The following SHISA9 variants were observed in gnomAD, a reference collection of about 807,000 sequenced individuals.
SHISA9 encodes protein shisa-9.
SHISA9 carries 13 observed loss-of-function variants against 38.0 expected under a neutral mutation model. The ratio of observed to expected loss-of-function variants is 0.34; its 90% confidence interval spans 0.22 to 0.54. SHISA9 has a LOEUF of 0.54. Ranked by LOEUF, SHISA9 falls within the 20% of genes least tolerant of loss-of-function variation. The pLI, the probability that SHISA9 is intolerant of heterozygous loss-of-function variation, is 0.91. For missense variants in SHISA9, 538 were observed against 575.8 expected (o/e 0.93, Z 0.67); for synonymous variants, 275 against 242.0 (o/e 1.14, Z -1.27).
the SHISA9 span, among the ~76,000 whole-genome samples, chr16:13,433,004 C>G: frequency 1.3e-5 from 2 of 151,648 alleles, no homozygotes; most frequent in Non-Finnish European, 2.9e-5. Flanking sequence ...ATCTGTACAG[C>G]AAACCCCCAT....
the SHISA9 span, among the ~76,000 whole-genome samples, chr16:13,478,580 G>A: frequency 3.3e-5 from 5 of 152,134 alleles, no homozygotes; most frequent in African/African-American, 4.8e-5. Flanking sequence ...ATCCTGGAAG[G>A]TCTGTTCCAC....
intron 3 of SHISA9, among the ~76,000 whole-genome samples, chr16:13,209,563 G>T (rs1408443736): frequency 6.6e-6 from 1 of 152,186 alleles, no homozygotes; most frequent in Non-Finnish European, 1.5e-5. Flanking sequence ...CAATCCATCA[G>T]GGAACTATTC....
chr16:13,213,774 G>C (rs1175407957), intron 4 of SHISA9, among the ~76,000 whole-genome samples: 5 of 152,200 alleles, frequency 3.3e-5, no homozygotes, highest in Admixed American at 3.3e-4. Flanking sequence ...GGGACAGCGT[G>C]GTGAGCAGAG....
chr16:13,262,662 A>G, the SHISA9 span, among the ~76,000 whole-genome samples: 1,272 of 51,790 alleles, frequency 0.025, 84 homozygotes, highest in African/African-American at 0.09. Flanking sequence ...GGAAGGAAGG[A>G]AGGAAGGAAG....
chr16:13,421,850 C>A, the SHISA9 span, among the ~76,000 whole-genome samples: 1 of 152,118 alleles, frequency 6.6e-6, no homozygotes, highest in Non-Finnish European at 1.5e-5. Context: ...CAAACGAATC[C>A]CAGGTTGGGG....
At chr16:13,019,769 TTTC>T (rs1302783678) in intron 2 of SHISA9, among the ~76,000 whole-genome samples, 64 of 30,038 alleles carry the variant, frequency 2.1e-3, no homozygotes, top group African/African-American at 7.5e-3. Context: ...CTTTCTTTTC[TTTC>T]TTTCTTTCTT....
chr16:13,491,529 C>G, the SHISA9 span, among the ~76,000 whole-genome samples: 1 of 152,018 alleles, frequency 6.6e-6, no homozygotes, highest in Non-Finnish European at 1.5e-5. Context: ...CACTCTGTCA[C>G]CAAGGCTGGA....
chr16:13,283,959 C>A, the SHISA9 span, among the ~76,000 whole-genome samples: 2 of 152,220 alleles, frequency 1.3e-5, no homozygotes, highest in South Asian at 4.2e-4. Context: ...GACAAGCTAG[C>A]CCTCAGCCAT....
chr16:13,138,440 C>T (rs1167705583), intron 2 of SHISA9, among the ~76,000 whole-genome samples: 2 of 152,162 alleles, frequency 1.3e-5, no homozygotes, highest in African/African-American at 4.8e-5. Context: ...AGACCTTAAG[C>T]TTTTGATAAC....
chr16:12,927,708 T>TG (rs2071409674), intron 2 of SHISA9, among the ~76,000 whole-genome samples: 1 of 152,038 alleles, frequency 6.6e-6, no homozygotes, highest in Non-Finnish European at 1.5e-5. Flanking sequence ...CATGACTGCC[T>TG]GTTTTTTACT....
the SHISA9 span, among the ~76,000 whole-genome samples, chr16:13,361,442 T>C: frequency 6.6e-6 from 1 of 152,248 alleles, no homozygotes; most frequent in South Asian, 2.1e-4. Flanking sequence ...TTAACCTTCA[T>C]TGGGTATCTG....
the SHISA9 span, among the ~76,000 whole-genome samples, chr16:13,263,178 C>T: frequency 2.0e-5 from 3 of 152,168 alleles, no homozygotes; most frequent in Non-Finnish European, 1.5e-5. Context: ...TCTCTGTTTC[C>T]CCTGGGGTGG....
intron 2 of SHISA9, among the ~76,000 whole-genome samples, chr16:13,202,283 G>T (rs1007816661): frequency 7.7e-6 from 1 of 130,270 alleles, no homozygotes; most frequent in African/African-American, 3.1e-5. Context: ...CCAGCTCCAC[G>T]GCTTTTGCTC....
chr16:12,959,544 C>T (rs545818728), intron 2 of SHISA9, among the ~76,000 whole-genome samples: 1 of 152,280 alleles, frequency 6.6e-6, no homozygotes, highest in African/African-American at 2.4e-5. Context: ...AGAGCTCAGA[C>T]TCGAGAAAAA....
chr16:13,039,373 G>C (rs1286225922), intron 2 of SHISA9, among the ~76,000 whole-genome samples: 1 of 151,930 alleles, frequency 6.6e-6, no homozygotes, highest in African/African-American at 2.4e-5. Flanking sequence ...TAAGTGACTT[G>C]TACAAGGTAA....
chr16:13,104,904 C>A (rs2073911904), intron 2 of SHISA9, among the ~76,000 whole-genome samples: 1 of 152,090 alleles, frequency 6.6e-6, no homozygotes, highest in Non-Finnish European at 1.5e-5. Flanking sequence ...TTCTGACAGA[C>A]CTTAATTGCT....
At chr16:13,074,442 T>G (rs1246901194) in intron 2 of SHISA9, among the ~76,000 whole-genome samples, 1 of 152,092 alleles carries the variant, frequency 6.6e-6, no homozygotes, top group African/African-American at 2.4e-5. Context: ...GGATGAACAT[T>G]TTTTTAATAG....
At chr16:13,020,492 A>T (rs1157542416) in intron 2 of SHISA9, among the ~76,000 whole-genome samples, 2 of 152,178 alleles carry the variant, frequency 1.3e-5, no homozygotes, top group African/African-American at 4.8e-5. Flanking sequence ...TAGTTTGCTA[A>T]AGATAATGGC....
At chr16:13,198,583 T>G (rs529562426) in intron 2 of SHISA9, among the ~76,000 whole-genome samples, 12 of 152,220 alleles carry the variant, frequency 7.9e-5, no homozygotes, top group Non-Finnish European at 1.8e-4. Flanking sequence ...AATCTGCATT[T>G]TTTTTTGTTT....
Sources: allele counts gnomAD v4.1 joint callset (sites outside exome capture counted in the v4.1 genomes callset), GRCh38; gene constraint gnomAD v4.1.1; transcripts MANE v1.5; gene names NCBI Gene and HGNC (gene_info 2026-07-23, HGNC 2026-07-21).